Variants in SREK1 observed in about 807,000 individuals in gnomAD.
SREK1 encodes the protein splicing regulatory glutamic acid and lysine rich protein 1, also known as splicing regulatory glutamine/lysine-rich protein 1.
Under a neutral mutation model 66.5 loss-of-function variants are expected in SREK1, and 13 were observed. The observed-to-expected ratio is 0.20, with a 90% CI of 0.13 to 0.31. The LOEUF is 0.31. Among genes scored for constraint, SREK1 ranks in the 10% least tolerant of loss-of-function variants. The pLI is 1.00. For missense variants in SREK1, 607 were observed against 769.6 expected (o/e 0.79, Z 2.50); for synonymous variants, 265 against 263.5 (o/e 1.01, Z -0.05).
intron 7 of SREK1, 43 bp downstream of exon 7, chr5:66,164,940 GTAT>G (rs778019353): frequency 3.3e-6 from 5 of 1,533,316 alleles, no homozygotes; most frequent in Middle Eastern, 1.8e-4. Flanking sequence ...TTTTAGTTTT[GTAT>G]TTAAAATATT....
chr5:66,170,057 A>T lies in SREK1; in HGVS notation c.1008A>T (p.Arg336Ser). The T allele has an allele frequency of 1.3e-6, 2 of 1,569,110 alleles. No individual in the cohort carries two copies. Among genetic ancestry groups the T allele is most frequent in the Non-Finnish European group, 1.7e-6 (2 of 1,161,396 alleles). Residue 336 changes from arginine (R) to serine (S), a missense_variant, in exon 8 of 12, where the codon AGA (arginine) becomes AGT (serine). Transcript: ENST00000334121. Reference sequence around the variant, plus strand: ...AACAATTTTTTTTCTTTAGGAGTAGATCCCATAATAGATCACGTTCAAGAC... The same window carrying T: ...AACAATTTTTTTTCTTTAGGAGTAGTTCCCATAATAGATCACGTTCAAGAC... ...RKRSQSKHRSRSHNRSRSRQK... is the reference protein window; with the variant it reads ...RKRSQSKHRSSSHNRSRSRQK...
intron 1 of SREK1, among the ~76,000 whole-genome samples, chr5:66,150,035 C>CT (rs1199979610): frequency 6.6e-6 from 1 of 152,190 alleles, no homozygotes; most frequent in African/African-American, 2.4e-5. Context: ...CATCATCTGG[C>CT]TTACAGCTTG....
In SREK1 at chr5:66,177,506, T is replaced by A; in HGVS notation, c.1581-8T>A. 1 of 1,565,380 alleles carries A rather than the reference T, an allele frequency of 6.4e-7. No individual in the cohort carries two copies. Among genetic ancestry groups the A allele is most frequent in the East Asian group, 2.3e-5 (1 of 43,860 alleles). On this transcript the variant is annotated splice_region_variant and splice_polypyrimidine_tract_variant and intron_variant, in intron 10 of 11. Transcript: ENST00000334121. ...TAGAATTTAACTGACATATCAATAT[T>A]CTTATAGCAGAAATAAGAAGGATAA... is the stretch of plus-strand genomic sequence containing the variant.
intron 3 of SREK1, among the ~76,000 whole-genome samples, chr5:66,159,825 A>G (rs1347796592): frequency 6.6e-6 from 1 of 152,226 alleles, no homozygotes; most frequent in African/African-American, 2.4e-5. Context: ...GTGATTTCCA[A>G]GTGGGATTAA....
intron 1 of SREK1, 45 bp from the exon 2 acceptor site, chr5:66,153,418 A>C: frequency 6.3e-7 from 1 of 1,582,588 alleles, no homozygotes; most frequent in South Asian, 1.2e-5. Context: ...TGATAAAACC[A>C]AGCAAATGTT....
intron 9 of SREK1, among the ~76,000 whole-genome samples, chr5:66,174,203 AG>A (rs1745876689): frequency 6.6e-6 from 1 of 152,166 alleles, no homozygotes; most frequent in Non-Finnish European, 1.5e-5. Context: ...TCTGAGTTGA[AG>A]TAGTTTAGAA....
chr5:66,158,130 G>C (rs1156692056), intron 2 of SREK1: 1 of 111,086 alleles, frequency 9.0e-6, no homozygotes, highest in Non-Finnish European at 1.8e-5. Context: ...TTTTTTTTTT[G>C]CCTAAGGGGA....
At chr5:66,145,745 A>G (rs1356489249) in intron 1 of SREK1, among the ~76,000 whole-genome samples, 1 of 148,932 alleles carries the variant, frequency 6.7e-6, no homozygotes, top group African/African-American at 2.5e-5. Context: ...TTCCCCAGTT[A>G]TTTTAATAAT....
intron 3 of SREK1, among the ~76,000 whole-genome samples, chr5:66,159,983 C>T (rs1424737236): frequency 6.6e-6 from 1 of 152,122 alleles, no homozygotes; most frequent in Admixed American, 6.5e-5. Context: ...ACAAAAACTT[C>T]TCTGGGCGTG....
chr5:66,153,847 G>A, intron 2 of SREK1: 1 of 410,262 alleles, frequency 2.4e-6, no homozygotes, highest in South Asian at 4.0e-5. Context: ...TAGTCAATTT[G>A]CAGATTGCAA....
intron 3 of SREK1, 125 bp downstream of exon 3, chr5:66,159,459 G>A (rs1410317750): frequency 2.2e-5 from 17 of 760,308 alleles, no homozygotes; most frequent in East Asian, 1.6e-4. Flanking sequence ...GAGAGGATTC[G>A]AAATCACTGC....
intron 1 of SREK1, among the ~76,000 whole-genome samples, chr5:66,151,834 C>CTT (rs60920757): frequency 0.012 from 1,002 of 84,772 alleles, 219 homozygotes; most frequent in African/African-American, 0.02. Flanking sequence ...GAGGTACATC[C>CTT]TTTTTTTTTT....
chr5:66,170,194 TA>T, intron 8 of SREK1, 24 bp downstream of exon 8: 8 of 1,596,590 alleles, frequency 5.0e-6, no homozygotes, highest in Non-Finnish European at 6.8e-6. Flanking sequence ...AAATTAACAA[TA>T]ATTTTTTTTT....
chr5:66,158,638 A>T, intron 2 of SREK1: 1 of 382,356 alleles, frequency 2.6e-6, no homozygotes, highest in Non-Finnish European at 4.4e-6. Context: ...TTTGCATCAC[A>T]AATAGGTAGT....
At chr5:66,162,880 TAGTC>T (rs893639656) in intron 5 of SREK1, 1 of 227,164 alleles carries the variant, frequency 4.4e-6, no homozygotes, top group African/African-American at 2.3e-5. Flanking sequence ...TAAACTTTAA[TAGTC>T]AGGTTGGTTT....
chr5:66,153,191 TACATTCACTCGGATTA>T (rs936856247), intron 1 of SREK1, among the ~76,000 whole-genome samples: 1 of 152,138 alleles, frequency 6.6e-6, no homozygotes, highest in Non-Finnish European at 1.5e-5. Context: ...TAGCTTTTTT[TACATTCACTCGGATTA>T]AGGATTGATT....
At chr5:66,174,699 A>C (rs1419211870) in intron 9 of SREK1, 1 of 301,768 alleles carries the variant, frequency 3.3e-6, no homozygotes, top group East Asian at 5.5e-5. Context: ...GAAAAGGAGG[A>C]GGTCTTCTAC....
At chr5:66,173,990 T>A (rs1745857423) in intron 9 of SREK1, among the ~76,000 whole-genome samples, 1 of 152,178 alleles carries the variant, frequency 6.6e-6, no homozygotes, top group African/African-American at 2.4e-5. Context: ...CGTGTGAGCA[T>A]TTTTTATTTT....
At chr5:66,173,514 A>T (rs1297754255) in intron 9 of SREK1, among the ~76,000 whole-genome samples, 3 of 152,308 alleles carry the variant, frequency 2.0e-5, no homozygotes, top group African/African-American at 7.2e-5. Flanking sequence ...CTGGTTGTAT[A>T]GCTGGGTAAG....
Sources: gnomAD v4.1 joint callset for allele counts (sites outside exome capture counted in the v4.1 genomes callset) on GRCh38, gnomAD v4.1.1 for gene constraint, MANE v1.5 for transcripts, NCBI Gene and HGNC (gene_info 2026-07-23, HGNC 2026-07-21) for gene names.